The following HNRNPH1 variants were observed in gnomAD, a reference collection of about 807,000 sequenced individuals.
HNRNPH1 encodes heterogeneous nuclear ribonucleoprotein H.
A neutral mutation model predicts 58.6 loss-of-function variants in HNRNPH1; 4 were observed. That is an observed-to-expected ratio of 0.07 (90% confidence interval 0.03 to 0.16). The LOEUF is 0.16. Among genes scored for constraint, HNRNPH1 ranks in the 10% least tolerant of loss-of-function variants. The pLI is 1.00. For synonymous variants in HNRNPH1, 192 were observed against 189.2 expected (o/e 1.01, Z -0.12); for missense variants, 271 against 564.2 (o/e 0.48, Z 5.26).
chr5:179,614,854 C>T (rs1436648133), exon 13 of HNRNPH1: 2 of 1,512,616 alleles, frequency 1.3e-6, no homozygotes, highest in South Asian at 2.4e-5. Flanking sequence ...CATTCCCCAT[C>T]CACCACTCAT....
intron 12 of HNRNPH1, 169 bp downstream of exon 13, chr5:179,615,377 T>C: frequency 2.0e-6 from 1 of 509,156 alleles, no homozygotes; most frequent in South Asian, 3.7e-5. Context: ...CTTTTCCTAT[T>C]CATGGTGGGC....
intron 7 of HNRNPH1, 46 bp from the exon 9 acceptor site, chr5:179,617,695 T>C: frequency 6.2e-7 from 1 of 1,604,596 alleles, no homozygotes; most frequent in South Asian, 1.1e-5. Flanking sequence ...TTTCTAACGT[T>C]ACAAAAAAAA....
Position 179,618,139 on chromosome 5 carries a change from ACG to A in HNRNPH1, c.715+4_715+5del. On this transcript the variant is annotated splice_donor_5th_base_variant and intron_variant, in intron 5 of 12. Transcript: ENST00000356731. ...GACTTGCCGAACCTTACGAATCCTC[ACG>A]TACCTCCACCATAAGCACCACGCCT... The A allele has an allele frequency of 6.2e-7, 1 of 1,613,624 alleles. No homozygotes were observed. The highest frequency in any genetic ancestry group is 8.5e-7 in the Non-Finnish European group (1 of 1,179,754).
intron 2 of HNRNPH1, among the ~76,000 whole-genome samples, chr5:179,632,233 G>A (rs546066371): frequency 4.0e-5 from 6 of 151,842 alleles, no homozygotes; most frequent in Non-Finnish European, 8.8e-5. Flanking sequence ...GCGTGAACCC[G>A]GGAGGCGGAG....
intron 10 of HNRNPH1, 44 bp downstream of exon 11, chr5:179,616,825 C>T (rs1002425470): frequency 7.6e-6 from 11 of 1,453,684 alleles, no homozygotes; most frequent in Middle Eastern, 3.5e-4. Context: ...TTGACTTATA[C>T]AGATATAAAC....
At chr5:179,618,934 A>T (rs1771049986) in intron 4 of HNRNPH1, 1 of 171,278 alleles carries the variant, frequency 5.8e-6, no homozygotes, top group African/African-American at 2.4e-5. Context: ...AAAGTATCAC[A>T]TTTTCTTATG....
At chr5:179,622,593 C>T (rs1180223620) in intron 1 of HNRNPH1, among the ~76,000 whole-genome samples, 1 of 152,142 alleles carries the variant, frequency 6.6e-6, no homozygotes, top group Non-Finnish European at 1.5e-5. Context: ...CGCCTCTAGT[C>T]CCAGACACTC....
At chr5:179,616,200 C>T (rs756970972) in exon 11 of HNRNPH1, 1 of 1,614,154 alleles carries the variant, frequency 6.2e-7, no homozygotes, top group Admixed American at 1.7e-5. Flanking sequence ...GGCTGGGCCC[C>T]CGTAGCTGGA....
In HNRNPH1 at chr5:179,632,380, G is replaced by A. The variant is rs148832588; in HGVS notation, c.-32+1685C>T. Among the ~76,000 whole-genome samples the A allele has an allele frequency of 9.2e-5, 14 of 152,214 alleles. No individual in the cohort carries two copies. In the East Asian group the frequency reaches 2.1e-3, roughly 23 times the overall value. Reference sequence around the variant, plus strand: ...GGTATGGGGTAGCACCCCCTCCCCCGCCGCGGCCAGGCAGCACGGTCCGCC... The same window carrying A: ...GGTATGGGGTAGCACCCCCTCCCCCACCGCGGCCAGGCAGCACGGTCCGCC... On this transcript the variant is annotated intron_variant, in intron 2 of 4. Transcript: ENST00000521116.
chr5:179,621,550 CAATTA>C lies in HNRNPH1; in HGVS notation c.98-158_98-154del, dbSNP rs1772328933. 3 of 614,810 alleles carry C rather than the reference CAATTA, an allele frequency of 4.9e-6. No individual in the cohort carries two copies. The East Asian group carries it at 8.4e-5, about 17-fold the overall frequency. 38.1% of individuals were successfully genotyped at this position (614,810 alleles called of 1,614,324 possible). A position where few individuals can be genotyped will look rare whatever the true frequency, so the allele number is the denominator to read the frequency against. On this transcript the variant is annotated intron_variant, in intron 1 of 12. Coordinates refer to ENST00000356731, the Ensembl canonical transcript of HNRNPH1. ...ACGATATTACCAACTCCTAAAACTC[CAATTA>C]AAAAAAAACAAACTCATTCCTAAGG...
chr5:179,616,027 C>CT (rs1409816277), intron 11 of HNRNPH1, 99 bp downstream of exon 12: 1 of 1,071,296 alleles, frequency 9.3e-7, no homozygotes, highest in Non-Finnish European at 1.4e-6. Context: ...GCGACTTACT[C>CT]TAAGTACAGT....
chr5:179,616,010 C>T, intron 11 of HNRNPH1, 116 bp downstream of exon 12: 2 of 868,520 alleles, frequency 2.3e-6, no homozygotes, highest in African/African-American at 1.7e-5. Flanking sequence ...ACTAAAGGCA[C>T]CTGCCTGCGA....
At chr5:179,629,698 CATTATA>C (rs1774683582) in intron 2 of HNRNPH1, among the ~76,000 whole-genome samples, 1 of 151,972 alleles carries the variant, frequency 6.6e-6, no homozygotes, top group African/African-American at 2.4e-5. Context: ...ATGTTATAGC[CATTATA>C]ATTATATTTT....
intron 1 of HNRNPH1, 36 bp downstream of exon 2, chr5:179,623,001 T>G: frequency 1.1e-6 from 1 of 901,414 alleles, no homozygotes; most frequent in South Asian, 1.9e-5. Flanking sequence ...CGCCCCGGCC[T>G]CGAACTCGAA....
rs576898131 is a variant in HNRNPH1, at chr5:179,620,573, G to C, written c.397+319C>G. Reference sequence around the variant, plus strand: ...ATCGCACTGATGATCTGCTGGTAAAGGGATCTTACCTTTAACTTGAGGTAC... The same window carrying C: ...ATCGCACTGATGATCTGCTGGTAAACGGATCTTACCTTTAACTTGAGGTAC... On this transcript the variant is annotated intron_variant, in intron 3 of 12. Coordinates refer to ENST00000356731, the Ensembl canonical transcript of HNRNPH1. The C allele has an allele frequency of 2.8e-5, 7 of 248,166 alleles. No homozygotes were observed. The South Asian group carries it at 5.0e-4, about 18-fold the overall frequency. 15.4% of individuals were successfully genotyped at this position (248,166 alleles called of 1,614,324 possible).
At chr5:179,622,881 A>T (rs1378242778) in intron 1 of HNRNPH1, 156 bp downstream of exon 2, 2 of 145,260 alleles carry the variant, frequency 1.4e-5, no homozygotes, top group Non-Finnish European at 2.9e-5. Context: ...CACAGCGGTG[A>T]GTGTAGTCGC....
upstream of HNRNPH1, chr5:179,629,471 T>G (rs1323394898): frequency 8.3e-6 from 1 of 120,106 alleles, no homozygotes; most frequent in Non-Finnish European, 1.8e-5. Flanking sequence ...AATTTTTGTA[T>G]TTTTAGTAGA....
At chr5:179,626,937 C>T (rs906407567), upstream of HNRNPH1, among the ~76,000 whole-genome samples, 6 of 151,884 alleles carry the variant, frequency 4.0e-5, no homozygotes, top group African/African-American at 1.2e-4. Flanking sequence ...CCCGCCACCA[C>T]GCCCAGCTAA....
chr5:179,619,167 T>C (rs1201928152), intron 4 of HNRNPH1, 102 bp downstream of exon 5: 3 of 1,030,194 alleles, frequency 2.9e-6, no homozygotes, highest in Non-Finnish European at 4.2e-6. Flanking sequence ...ATCAATTACC[T>C]AGGACTACAA....
Sources: gnomAD v4.1 joint callset for allele counts (sites outside exome capture counted in the v4.1 genomes callset) on GRCh38, gnomAD v4.1.1 for gene constraint, MANE v1.5 for transcripts, NCBI Gene and HGNC (gene_info 2026-07-23, HGNC 2026-07-21) for gene names.